The following PC variants were observed in gnomAD, a reference collection of about 807,000 sequenced individuals.
The protein encoded by PC is pyruvate carboxylase, mitochondrial.
A neutral mutation model predicts 107.8 loss-of-function variants in PC; 46 were observed. That is an observed-to-expected ratio of 0.43 (90% CI 0.34 to 0.55). The LOEUF (loss-of-function observed/expected upper bound fraction) is 0.55. Among genes scored for constraint, PC ranks in the 20% least tolerant of loss-of-function variants. The probability of loss-of-function intolerance (pLI) is 0.04; values close to 1 mark genes in which losing one functional copy is unlikely to be tolerated. For synonymous variants in PC, 662 were observed against 684.7 expected (o/e 0.97, Z 0.52); for missense variants, 1,241 against 1,643.1 (o/e 0.76, Z 4.23).
In PC at chr11:66,857,693, C is replaced by A; in HGVS notation, c.1369-4310G>T. ...TGTCCTGGGCCCAAGTGGGCACCTG[C>A]GCCAGCCCCACCTGTGCCTGGGCTG... On this transcript the variant is annotated intron_variant, in intron 12 of 22. Coordinates refer to ENST00000393960, the MANE Select transcript of PC (RefSeq NM_001040716.2). This position sits in a 1 kb window ranked among gnomAD's most constrained non-coding sequence, Gnocchi z 7.1. 1 of 1,533,882 alleles carries A rather than the reference C, an allele frequency of 6.5e-7. No individual in the cohort carries two copies. Among genetic ancestry groups the A allele is most frequent in the Non-Finnish European group, 8.7e-7 (1 of 1,144,328 alleles).
intron 3 of PC, among the ~76,000 whole-genome samples, chr11:66,919,357 C>T (rs576936758): frequency 2.6e-5 from 4 of 152,240 alleles, no homozygotes; most frequent in Non-Finnish European, 5.9e-5. Flanking sequence ...CAGAAGTTGC[C>T]ATGAGCCAAG....
intron 3 of PC, among the ~76,000 whole-genome samples, chr11:66,924,982 C>T (rs375540760): frequency 6.6e-6 from 1 of 152,012 alleles, no homozygotes; most frequent in African/African-American, 2.4e-5. Flanking sequence ...TGGCAGGTTC[C>T]GTGATGCCCC....
At chr11:66,897,018 G>A (rs950148481) in intron 3 of PC, among the ~76,000 whole-genome samples, 4 of 152,038 alleles carry the variant, frequency 2.6e-5, no homozygotes, top group Admixed American at 6.6e-5. Flanking sequence ...TGCAACCTCT[G>A]CCCCCGGGAT....
chr11:66,942,051 G>A (rs1296072431), intron 3 of PC, among the ~76,000 whole-genome samples: 10 of 150,456 alleles, frequency 6.6e-5, no homozygotes, highest in African/African-American at 1.2e-4. Flanking sequence ...GTAGTGAGCC[G>A]AGATCGCACC....
chr11:66,915,090 T>C (rs934433501), intron 3 of PC, among the ~76,000 whole-genome samples: 1 of 141,296 alleles, frequency 7.1e-6, no homozygotes, highest in South Asian at 2.6e-4. Flanking sequence ...GGTGCGCCAA[T>C]GGGGAGGGCT....
intron 3 of PC, among the ~76,000 whole-genome samples, chr11:66,881,682 T>C (rs942433204): frequency 6.6e-6 from 1 of 152,214 alleles, no homozygotes; most frequent in African/African-American, 2.4e-5. Flanking sequence ...CCTTGCTCCT[T>C]GCCAGGCAGG....
At chr11:66,932,501 G>GTA (rs1948884400) in intron 3 of PC, among the ~76,000 whole-genome samples, 1 of 152,074 alleles carries the variant, frequency 6.6e-6, no homozygotes, top group Admixed American at 6.6e-5. Context: ...TAAACCCTTG[G>GTA]GCTTACGCTG....
chr11:66,922,496 C>T (rs961461822), intron 3 of PC, among the ~76,000 whole-genome samples: 9 of 149,250 alleles, frequency 6.0e-5, no homozygotes, highest in African/African-American at 2.0e-4. Flanking sequence ...ATCGCTTGAA[C>T]CCAGAAGGTG....
At chr11:66,881,921 A>G (rs1947201898) in intron 3 of PC, among the ~76,000 whole-genome samples, 2 of 152,200 alleles carry the variant, frequency 1.3e-5, no homozygotes, top group Non-Finnish European at 2.9e-5. Flanking sequence ...CACGGCTTTC[A>G]TCAGGAGCAC....
At chr11:66,895,853 G>C (rs948387952) in intron 3 of PC, among the ~76,000 whole-genome samples, 1 of 152,160 alleles carries the variant, frequency 6.6e-6, no homozygotes, top group East Asian at 1.9e-4. Flanking sequence ...TTCCACACTG[G>C]AAGGACTTGC....
intron 12 of PC, chr11:66,860,000 C>T (rs1946146360): frequency 6.3e-7 from 1 of 1,594,192 alleles, no homozygotes. Flanking sequence ...CCAAGGCCCA[C>T]CCGCCGCGGA....
chr11:66,860,485 T>C, intron 12 of PC: 1 of 702,684 alleles, frequency 1.4e-6, no homozygotes, highest in Non-Finnish European at 2.6e-6. Flanking sequence ...AGTGCTAGTC[T>C]CTGGTGTTGT....
intron 12 of PC, among the ~76,000 whole-genome samples, chr11:66,856,248 G>GCGAGGA (rs1438107816): frequency 6.6e-6 from 1 of 152,250 alleles, no homozygotes; most frequent in Non-Finnish European, 1.5e-5. Context: ...CGCAGGCGCT[G>GCGAGGA]CGAGGACGCA....
intron 3 of PC, among the ~76,000 whole-genome samples, chr11:66,922,553 T>TAAAAAA (rs1198835228): frequency 2.4e-5 from 2 of 84,364 alleles, no homozygotes; most frequent in Non-Finnish European, 4.7e-5. Context: ...GACTTTGTCT[T>TAAAAAA]AAAAAAAAAA....
chr11:66,900,178 G>GTTTTTTTTT, intron 3 of PC, among the ~76,000 whole-genome samples: 2 of 107,436 alleles, frequency 1.9e-5, no homozygotes, highest in Non-Finnish European at 3.5e-5. Flanking sequence ...CTCCAACGTT[G>GTTTTTTTTT]TTTTTTTTTT....
In PC at chr11:66,851,920, A is replaced by C. The variant is rs1445696241; in HGVS notation, c.1852T>G (p.Phe618Val). ...GGATFDVAMR[F>V]LYECPWRRLQ... ...CGCCGCCAGGGGCACTCATACAGGA[A>C]GCGCATGGCGACGTCAAACGTGGCT... Residue 618 changes from phenylalanine to valine, a missense_variant, in exon 16 of 23, where the codon TTC (phenylalanine) becomes GTC (valine). Around this residue, in one of 2 missense-constraint regions of PC, gnomAD observed 1,143 missense variants for 1,551.9 expected, o/e 0.74. Transcript: ENST00000393960. 1 of 1,614,068 alleles carries C rather than the reference A, an allele frequency of 6.2e-7. No homozygotes were observed. Among genetic ancestry groups the C allele is most frequent in the South Asian group, 1.1e-5 (1 of 91,088 alleles).
intron 3 of PC, among the ~76,000 whole-genome samples, chr11:66,930,477 C>T: frequency 6.6e-6 from 1 of 152,202 alleles, no homozygotes; most frequent in Non-Finnish European, 1.5e-5. Flanking sequence ...CGTGGTGGCT[C>T]ATGCCTGTAA....
chr11:66,918,138 A>G (rs556131932), intron 3 of PC, among the ~76,000 whole-genome samples: 1 of 152,312 alleles, frequency 6.6e-6, no homozygotes, highest in Non-Finnish European at 1.5e-5. Flanking sequence ...AAAAATTCAC[A>G]TGCAAGGCAA....
At position 66,852,577 on chromosome 11, in the gene PC, G is replaced by A. The variant is rs2135814981; in HGVS notation, c.1687C>T (p.Leu563=). 1 of 1,614,034 alleles carries A rather than the reference G, an allele frequency of 6.2e-7. No homozygotes were observed. Among genetic ancestry groups the A allele is most frequent in the South Asian group, 1.1e-5 (1 of 91,090 alleles). ...CTGAAGGTCGTGTCCATCAGCAGCA[G>A]CCCCGGGTGGTTCCGCACAGCTCGA... is the stretch of plus-strand genomic sequence containing the variant. ...FARAVRNHPG[L]LLMDTTFRDA... Residue 563 remains leucine, a synonymous_variant, in exon 15 of 23, where the codon CTG becomes TTG. Coordinates refer to ENST00000393960, the MANE Select transcript of PC (RefSeq NM_001040716.2). The surrounding 1 kb of genome is among the most constrained non-coding windows in gnomAD (Gnocchi z 4.7).
Sources: gnomAD v4.1 joint callset for allele counts (sites outside exome capture counted in the v4.1 genomes callset) on GRCh38, gnomAD v4.1.1 for gene constraint, gnomAD v4.1.1 regional missense constraint, Gnocchi (gnomAD v3.1) non-coding constraint, MANE v1.5 for transcripts, NCBI Gene and HGNC (gene_info 2026-07-23, HGNC 2026-07-21) for gene names.